Variants in SLK observed in about 807,000 individuals in gnomAD.
The protein encoded by SLK is STE20 like kinase.
SLK carries 67 observed loss-of-function variants against 147.7 expected under a neutral mutation model. That is an observed-to-expected ratio of 0.45 (90% CI 0.37 to 0.56). SLK has a LOEUF of 0.56. SLK is among the 20% of genes least tolerant of loss of function. The probability of loss-of-function intolerance (pLI) is 0.00; values close to 1 mark genes in which losing one functional copy is unlikely to be tolerated. For missense variants in SLK, 1,136 were observed against 1,438.8 expected (o/e 0.79, Z 3.41); for synonymous variants, 441 against 475.0 (o/e 0.93, Z 0.93).
chr10:104,018,282 C>A lies in SLK; in HGVS notation c.3000C>A (p.Leu1000=). Residue 1000 remains leucine (L), a synonymous_variant, in exon 14 of 19, where the codon CTC becomes CTA. Transcript: ENST00000369755. ...AGTGCCTGAATAACAAGCAACAGCT[C>A]ATGAGAGGTAATTTTTTTAAAATTA... The part of the protein sequence containing the change: ...ERECLNNKQQ[L]MRAREAAIWE... 6.3e-7 allele frequency: 1 copy of A among 1,596,206 alleles called. No individual in the cohort carries two copies. The highest frequency in any genetic ancestry group is 1.1e-5 in the South Asian group (1 of 87,168).
At position 103,999,069 on chromosome 10, in the gene SLK, T is replaced by C. The variant is rs777983388; in HGVS notation, c.588-50T>C. ...ACATAATTGATTATACCATGTGTTTTGCAATCACTGTTCTTAAACATGTTA... is the reference window on the plus strand; with the variant it reads ...ACATAATTGATTATACCATGTGTTTCGCAATCACTGTTCTTAAACATGTTA... On this transcript the variant is annotated intron_variant, in intron 5 of 18. Coordinates refer to ENST00000369755, the MANE Select transcript of SLK (RefSeq NM_014720.4). 21 of 1,559,510 alleles carry C rather than the reference T, an allele frequency of 1.3e-5. No homozygotes were observed. The Admixed American group carries it at 3.0e-4, about 22-fold the overall frequency.
intron 1 of SLK, among the ~76,000 whole-genome samples, chr10:103,980,278 T>C (rs1325071013): frequency 6.6e-6 from 1 of 152,204 alleles, no homozygotes; most frequent in African/African-American, 2.4e-5. Context: ...TGCACATTTA[T>C]TTTTCAATTT....
At chr10:104,013,242 G>A (rs1844421498) in intron 13 of SLK, among the ~76,000 whole-genome samples, 1 of 152,180 alleles carries the variant, frequency 6.6e-6, no homozygotes. Flanking sequence ...TAAGTCCAGT[G>A]GTTTTCAAAC....
intron 4 of SLK, among the ~76,000 whole-genome samples, chr10:103,998,377 C>T (rs1844202656): frequency 6.6e-6 from 1 of 152,064 alleles, no homozygotes; most frequent in Non-Finnish European, 1.5e-5. Context: ...GTGGGATTAA[C>T]AACTGAAAAA....
chr10:103,980,853 A>G (rs149771112), intron 1 of SLK, among the ~76,000 whole-genome samples: 16 of 152,198 alleles, frequency 1.1e-4, no homozygotes, highest in South Asian at 4.1e-4. Flanking sequence ...CAGGAGTGGG[A>G]TTCCTGGATC....
At chr10:103,981,554 G>GT (rs1843942397) in intron 1 of SLK, among the ~76,000 whole-genome samples, 1 of 151,916 alleles carries the variant, frequency 6.6e-6, no homozygotes, top group Non-Finnish European at 1.5e-5. Context: ...CAACTTCACT[G>GT]TTTCACATGT....
intron 11 of SLK, among the ~76,000 whole-genome samples, 193 bp from the exon 12 acceptor site, chr10:104,007,984 T>C (rs1400267300): frequency 6.6e-6 from 1 of 151,968 alleles, no homozygotes; most frequent in East Asian, 1.9e-4. Flanking sequence ...ATTTCCATGT[T>C]AGAAAAAAAG....
intron 4 of SLK, 117 bp downstream of exon 4, chr10:103,993,250 T>G (rs1844124236): frequency 1.6e-6 from 1 of 633,080 alleles, no homozygotes; most frequent in Non-Finnish European, 2.5e-6. Flanking sequence ...GAGAACTAAC[T>G]CCATGCTGGT....
At position 104,026,540 on chromosome 10, in the gene SLK, C is replaced by T. The variant is rs805684; in HGVS notation, c.*820C>T. 142,835 of 152,274 alleles carry T rather than the reference C, an allele frequency of 0.94. 67,522 individuals carry two copies. The highest frequency in any genetic ancestry group is 1 in the East Asian group (5,186 of 5,186). The allele number at this position is 152,274 out of a possible 1,614,324, so 9.4% of individuals were successfully genotyped here. A position where few individuals can be genotyped will look rare whatever the true frequency, so the allele number is the denominator to read the frequency against. ...AAAGAGGTAGCTTTTAGATTGCAAA[C>T]TGGAAATGTAAAACTCATGAAATTT... On this transcript the variant is annotated 3_prime_UTR_variant, in exon 19 of 19. Coordinates refer to ENST00000369755, the MANE Select transcript of SLK (RefSeq NM_014720.4).
intron 4 of SLK, 24 bp downstream of exon 4, chr10:103,993,157 C>T: frequency 1.3e-6 from 2 of 1,540,850 alleles, no homozygotes; most frequent in South Asian, 2.4e-5. Context: ...TTAAATAAAA[C>T]ATTAGAATTT....
At chr10:104,018,012 C>T (rs1844486105) in intron 13 of SLK, 148 bp from the exon 14 acceptor site, 1 of 589,546 alleles carries the variant, frequency 1.7e-6, no homozygotes, top group Non-Finnish European at 3.0e-6. Flanking sequence ...TACATTTGTA[C>T]TATATAATTT....
intron 1 of SLK, among the ~76,000 whole-genome samples, chr10:103,986,898 G>T (rs1844024300): frequency 1.3e-5 from 2 of 152,130 alleles, no homozygotes; most frequent in South Asian, 4.1e-4. Context: ...GGCTGGTCTT[G>T]AACTCCTGAC....
Position 104,027,372 on chromosome 10 carries a change from T to C in SLK, c.*1652T>C, listed in dbSNP as rs755291642. The C allele has an allele frequency of 6.6e-6, 1 of 152,482 alleles. No homozygotes were observed. 9.4% of individuals were successfully genotyped at this position (152,482 alleles called of 1,614,324 possible). On this transcript the variant is annotated 3_prime_UTR_variant, in exon 19 of 19. Coordinates refer to ENST00000369755, the MANE Select transcript of SLK (RefSeq NM_014720.4). ...GCCAAGTTTGTTTTTTATATAAATA[T>C]ATATACATATATACATATTATGTAT...
intron 13 of SLK, 88 bp from the exon 14 acceptor site, chr10:104,018,072 G>A (rs530685386): frequency 1.8e-6 from 2 of 1,101,000 alleles, no homozygotes; most frequent in African/African-American, 1.6e-5. Flanking sequence ...TGGAAATCTT[G>A]TTAACCACTA....
In SLK at chr10:104,008,165, ATTG is replaced by A; in HGVS notation, c.2605-9_2605-7del. 1.2e-6 allele frequency: 2 copies of A among 1,602,448 alleles called. No individual in the cohort carries two copies. The highest frequency in any genetic ancestry group is 1.7e-6 in the Non-Finnish European group (2 of 1,174,024). ...TGGAAAAGTTATCATCTTGAGCTAT[ATTG>A]TTTTACAGAGTAAAAAGCGACAATA... On this transcript the variant is annotated splice_polypyrimidine_tract_variant and intron_variant, in intron 11 of 18. Coordinates refer to ENST00000369755, the MANE Select transcript of SLK (RefSeq NM_014720.4).
At chr10:104,017,873 A>G (rs1449260557) in intron 13 of SLK, among the ~76,000 whole-genome samples, 1 of 152,228 alleles carries the variant, frequency 6.6e-6, no homozygotes, top group Non-Finnish European at 1.5e-5. Flanking sequence ...ATTCTCTCAA[A>G]GATGCTAGTG....
intron 1 of SLK, among the ~76,000 whole-genome samples, chr10:103,981,189 T>TTGTTG (rs1564651423): frequency 1.4e-4 from 18 of 126,608 alleles, no homozygotes; most frequent in African/African-American, 5.8e-4. Flanking sequence ...GTGGGTTTTT[T>TTGTTG]TTGTTGTTGT....
At chr10:104,009,595 T>C (rs1232211891) in intron 12 of SLK, among the ~76,000 whole-genome samples, 2 of 152,158 alleles carry the variant, frequency 1.3e-5, no homozygotes, top group African/African-American at 4.8e-5. Flanking sequence ...GGCTACATGT[T>C]AATTTTCTCT....
At chr10:103,973,462 G>A (rs1057152322) in intron 1 of SLK, among the ~76,000 whole-genome samples, 4 of 152,180 alleles carry the variant, frequency 2.6e-5, no homozygotes, top group African/African-American at 9.7e-5. Flanking sequence ...TAGTAGTATT[G>A]TTGGCCCTTA....
Sources: allele counts gnomAD v4.1 joint callset (sites outside exome capture counted in the v4.1 genomes callset), GRCh38; gene constraint gnomAD v4.1.1; transcripts MANE v1.5; gene names NCBI Gene and HGNC (gene_info 2026-07-23, HGNC 2026-07-21).